Variants in SLC36A1 observed in about 807,000 individuals in gnomAD.
The protein encoded by SLC36A1 is proton-coupled amino acid transporter 1.
A neutral mutation model predicts 47.5 loss-of-function variants in SLC36A1; 30 were observed. The observed-to-expected ratio is 0.63, with a 90% CI of 0.47 to 0.86. The LOEUF (loss-of-function observed/expected upper bound fraction) is 0.86. Ranked by LOEUF, SLC36A1 falls within the 40% of genes least tolerant of loss-of-function variation. The probability of loss-of-function intolerance (pLI) is 0.00; values close to 1 mark genes in which losing one functional copy is unlikely to be tolerated. For synonymous variants in SLC36A1, 255 were observed against 249.7 expected, an observed-to-expected ratio of 1.02 and a Z score of -0.20; for missense variants, 517 against 606.0, an observed-to-expected ratio of 0.85 and a Z score of 1.54.
At chr5:151,382,550 A>G in the SLC36A1 span, among the ~76,000 whole-genome samples, 1 of 152,200 alleles carries the variant, frequency 6.6e-6, no homozygotes, top group Admixed American at 6.5e-5. Flanking sequence ...CCACCAACTT[A>G]GCATCTTGGA....
At position 151,479,525 on chromosome 5, in the gene SLC36A1, C is replaced by T. The variant is rs949486176; in HGVS notation, c.1159+36C>T. On this transcript the variant is annotated intron_variant, in intron 10 of 10. Coordinates refer to ENST00000243389, the MANE Select transcript of SLC36A1 (RefSeq NM_078483.4). ...GATGATAATTGCCTTGCTTGTTTTTCCCTAAAGGGCACCCAGTCTGCAGGC... is the reference window on the plus strand; with the variant it reads ...GATGATAATTGCCTTGCTTGTTTTTTCCTAAAGGGCACCCAGTCTGCAGGC... 11 of 1,596,470 alleles carry T rather than the reference C, an allele frequency of 6.9e-6. No individual in the cohort carries two copies. In the South Asian group the frequency reaches 7.8e-5, roughly 11 times the overall value.
the SLC36A1 span, chr5:151,545,208 G>A: frequency 0.075 from 121,418 of 1,614,058 alleles, 5,077 homozygotes; most frequent in African/African-American, 0.15. Flanking sequence ...CAGCTGCCCA[G>A]TAGACATCCT....
chr5:151,544,022 C>T, the SLC36A1 span: 1 of 1,614,200 alleles, frequency 6.2e-7, no homozygotes, highest in Non-Finnish European at 8.5e-7. Flanking sequence ...ATATCAGACA[C>T]ATTGACAACC....
chr5:151,393,898 G>C, the SLC36A1 span, among the ~76,000 whole-genome samples: 1 of 152,068 alleles, frequency 6.6e-6, no homozygotes, highest in Middle Eastern at 3.2e-3. Context: ...TGTTCTTCTC[G>C]AGGAGTATCT....
the SLC36A1 span, chr5:151,551,379 A>G: frequency 1.4e-6 from 2 of 1,386,440 alleles, no homozygotes; most frequent in Non-Finnish European, 2.0e-6. Flanking sequence ...GGAACACCAC[A>G]TCCACAGAAA....
chr5:151,386,334 T>C, the SLC36A1 span, among the ~76,000 whole-genome samples: 2 of 152,208 alleles, frequency 1.3e-5, no homozygotes, highest in Non-Finnish European at 2.9e-5. Context: ...GTTTGAGAGA[T>C]ACAAACTTTA....
chr5:151,484,904 T>C (rs554051697), intron 10 of SLC36A1, among the ~76,000 whole-genome samples: 46 of 152,190 alleles, frequency 3.0e-4, no homozygotes, highest in Admixed American at 1.2e-3. Context: ...TCCCGATTGT[T>C]ACCTCAGTGC....
chr5:151,450,612 TG>T lies in SLC36A1; in HGVS notation c.-6+2800del, dbSNP rs375651091. Among the ~76,000 whole-genome samples the T allele has an allele frequency of 2.0e-3, 312 of 152,368 alleles. 1 individual carries two copies. The highest frequency in any genetic ancestry group is 0.01 in the Middle Eastern group (3 of 294). ...TGGCATGTAGAGTGGATGGAGCTGATGTCCAGTTTTGTGATTACTTTGTTTC... is the reference window on the plus strand; with the variant it reads ...TGGCATGTAGAGTGGATGGAGCTGATTCCAGTTTTGTGATTACTTTGTTTC... On this transcript the variant is annotated intron_variant, in intron 1 of 10. Transcript: ENST00000243389.
At chr5:151,363,849 C>T in the SLC36A1 span, among the ~76,000 whole-genome samples, 3 of 152,166 alleles carry the variant, frequency 2.0e-5, no homozygotes, top group African/African-American at 7.2e-5. Flanking sequence ...ATCACTTTTA[C>T]TGTAACATAC....
the SLC36A1 span, among the ~76,000 whole-genome samples, chr5:151,529,019 T>C: frequency 6.6e-6 from 1 of 152,196 alleles, no homozygotes; most frequent in Non-Finnish European, 1.5e-5. Flanking sequence ...TGTTTGGCCA[T>C]ACTCAAATCT....
chr5:151,470,238 A>G (rs1425242295), intron 7 of SLC36A1, among the ~76,000 whole-genome samples: 2 of 152,200 alleles, frequency 1.3e-5, no homozygotes, highest in African/African-American at 4.8e-5. Flanking sequence ...ACTCCACTGT[A>G]CACTAAAGAT....
the SLC36A1 span, among the ~76,000 whole-genome samples, chr5:151,552,621 A>C: frequency 2.0e-5 from 3 of 152,248 alleles, no homozygotes; most frequent in Non-Finnish European, 2.9e-5. Flanking sequence ...AGCGTTCGTC[A>C]GATTCCTGAA....
the SLC36A1 span, among the ~76,000 whole-genome samples, chr5:151,361,236 C>T: frequency 1.3e-5 from 2 of 152,236 alleles, no homozygotes; most frequent in Admixed American, 6.5e-5. Flanking sequence ...CCTTAAAGTT[C>T]GTTGAGACCC....
chr5:151,521,382 G>A, the SLC36A1 span: 1 of 1,614,214 alleles, frequency 6.2e-7, no homozygotes, highest in Non-Finnish European at 8.5e-7. Flanking sequence ...CTGTGTTATG[G>A]CAGATTTGAC....
chr5:151,353,971 A>G, the SLC36A1 span, among the ~76,000 whole-genome samples: 3 of 152,184 alleles, frequency 2.0e-5, no homozygotes, highest in Non-Finnish European at 2.9e-5. Context: ...ACCTACTGAA[A>G]GACATCTTGG....
At chr5:151,462,811 G>C (rs1755736641) in intron 2 of SLC36A1, among the ~76,000 whole-genome samples, 1 of 150,852 alleles carries the variant, frequency 6.6e-6, no homozygotes, top group Non-Finnish European at 1.5e-5. Context: ...AATTTCCTCT[G>C]TTCTCTTACC....
chr5:151,545,198 C>T, the SLC36A1 span: 1 of 1,614,210 alleles, frequency 6.2e-7, no homozygotes, highest in South Asian at 1.1e-5. Context: ...TTCTCCTTCA[C>T]AGCTGCCCAG....
chr5:151,486,706 A>G (rs888103877), intron 10 of SLC36A1, among the ~76,000 whole-genome samples: 8 of 152,228 alleles, frequency 5.3e-5, no homozygotes, highest in African/African-American at 1.9e-4. Context: ...ACCCTCTCGT[A>G]GGAATCAATG....
the SLC36A1 span, among the ~76,000 whole-genome samples, chr5:151,424,688 A>T: frequency 2.1e-4 from 30 of 142,674 alleles, no homozygotes; most frequent in East Asian, 4.3e-3. Flanking sequence ...TCATTAATAA[A>T]TAATAATAAT....
Sources: allele counts gnomAD v4.1 joint callset (sites outside exome capture counted in the v4.1 genomes callset), GRCh38; gene constraint gnomAD v4.1.1; transcripts MANE v1.5; gene names NCBI Gene and HGNC (gene_info 2026-07-23, HGNC 2026-07-21).